The following ACACB variants were observed in gnomAD, a reference collection of about 807,000 sequenced individuals.
The protein encoded by ACACB is acetyl-CoA carboxylase beta.
In ACACB, 209 loss-of-function variants were observed where a neutral mutation model predicts 278.8. The observed-to-expected ratio is 0.75, with a 90% CI of 0.67 to 0.84. The LOEUF (loss-of-function observed/expected upper bound fraction) is 0.84, where lower values mean the gene tolerates loss of function less well. Among genes scored for constraint, ACACB ranks in the 40% least tolerant of loss-of-function variants. ACACB has a pLI of 0.00. For missense variants in ACACB, 2,850 were observed against 3,269.0 expected (o/e 0.87, Z 3.13); for synonymous variants, 1,174 against 1,285.6 (o/e 0.91, Z 1.86).
chr12:109,256,074 A>G, intron 44 of ACACB, 66 bp from the exon 45 acceptor site: 1 of 1,292,492 alleles, frequency 7.7e-7, no homozygotes, highest in Non-Finnish European at 1.1e-6. Flanking sequence ...TTGCACAGCC[A>G]GGAGTGTCCT....
intron 20 of ACACB, among the ~76,000 whole-genome samples, chr12:109,208,030 C>T (rs766018242): frequency 5.3e-5 from 8 of 152,120 alleles, no homozygotes; most frequent in African/African-American, 9.6e-5. Context: ...TCCCAGCAAC[C>T]GATAAGGTAG....
At chr12:109,229,423 G>T (rs1424745952) in intron 28 of ACACB, among the ~76,000 whole-genome samples, 1 of 152,158 alleles carries the variant, frequency 6.6e-6, no homozygotes, top group African/African-American at 2.4e-5. Flanking sequence ...GCATTCAGGG[G>T]CCCTCTGAGC....
At position 109,234,040 on chromosome 12, in the gene ACACB, T is replaced by A. The variant is rs1371470741; in HGVS notation, c.4342T>A (p.Ser1448Thr). The A allele has an allele frequency of 6.2e-7, 1 of 1,608,010 alleles. No individual in the cohort carries two copies. The highest frequency in any genetic ancestry group is 8.5e-7 in the Non-Finnish European group (1 of 1,176,160). Reference sequence around the variant, plus strand: ...GCCGATTTTACGGACATTCGTACAGTCCAAGGTACTCTGGGCGTGCCTCTG... The same window carrying A: ...GCCGATTTTACGGACATTCGTACAGACCAAGGTACTCTGGGCGTGCCTCTG... ...LVPILRTFVQ[S>T]KKNILVDYGL... is the part of the protein sequence containing the mutation. Residue 1448 changes from serine (S) to threonine (T), a missense_variant, in exon 31 of 53, where the codon TCC (serine) becomes ACC (threonine). Ser to Thr is a moderately conservative substitution (Grantham distance 58). Coordinates refer to ENST00000338432, the MANE Select transcript of ACACB (RefSeq NM_001093.4).
intron 1 of ACACB, among the ~76,000 whole-genome samples, chr12:109,124,554 G>A (rs2436629): frequency 0.041 from 6,314 of 152,290 alleles, 146 homozygotes; most frequent in South Asian, 0.081. Context: ...TCTGACCTCC[G>A]TCGTAAAGTT....
At chr12:109,211,927 G>T (rs980809028) in intron 21 of ACACB, among the ~76,000 whole-genome samples, 2 of 151,892 alleles carry the variant, frequency 1.3e-5, no homozygotes, top group Non-Finnish European at 2.9e-5. Context: ...AAATATTTTT[G>T]ATGCCAAAGG....
In ACACB at chr12:109,250,025, G is replaced by A. The variant is rs2047052160; in HGVS notation, c.5711G>A (p.Gly1904Asp). 1 of 1,613,598 alleles carries A rather than the reference G, an allele frequency of 6.2e-7. No individual in the cohort carries two copies. Among genetic ancestry groups the A allele is most frequent in the African/African-American group, 1.3e-5 (1 of 75,014 alleles). ...ATCATCGGGAAGGATGATGGCTTGG[G>A]CGTGGAGAATCTGAGGGGCTCAGGC... ...TDIIGKDDGL[G>D]VENLRGSGMI... The change falls in exon 41 of 53, where the codon GGC becomes GAC. Residue 1904 changes from glycine to aspartate, a missense_variant. By Grantham distance (94) the Gly-to-Asp change is moderately conservative. This residue lies in a region of ACACB where 2,265 missense variants were observed against 2,561.3 expected (regional missense o/e 0.88). Coordinates refer to ENST00000338432, the MANE Select transcript of ACACB (RefSeq NM_001093.4).
intron 24 of ACACB, among the ~76,000 whole-genome samples, chr12:109,221,178 T>C (rs774013293): frequency 3.9e-5 from 6 of 152,190 alleles, no homozygotes; most frequent in Non-Finnish European, 8.8e-5. Flanking sequence ...TGTGTCTTTG[T>C]GTATGAAATA....
intron 13 of ACACB, among the ~76,000 whole-genome samples, chr12:109,190,974 A>G (rs2044856025): frequency 6.6e-6 from 1 of 152,140 alleles, no homozygotes; most frequent in Non-Finnish European, 1.5e-5. Flanking sequence ...AATTATAACA[A>G]TAATAACTAA....
intron 18 of ACACB, 27 bp from the exon 19 acceptor site, chr12:109,201,540 G>A (rs2045331875): frequency 6.2e-7 from 1 of 1,613,556 alleles, no homozygotes; most frequent in Non-Finnish European, 8.5e-7. Context: ...GGTGGGCTCT[G>A]TACTATTTCT....
At chr12:109,243,877 TTATA>T (rs145125502) in intron 37 of ACACB, among the ~76,000 whole-genome samples, 7 of 146,920 alleles carry the variant, frequency 4.8e-5, no homozygotes, top group Non-Finnish European at 7.5e-5. Context: ...TGGAATGACA[TTATA>T]TATATATATA....
chr12:109,187,196 G>A (rs74533636), intron 12 of ACACB, among the ~76,000 whole-genome samples: 2,059 of 152,048 alleles, frequency 0.014, 57 homozygotes, highest in African/African-American at 0.047. Context: ...AAATACCAAC[G>A]AAATGGCCTC....
chr12:109,145,512 G>T (rs539440989), intron 2 of ACACB, among the ~76,000 whole-genome samples: 14 of 152,020 alleles, frequency 9.2e-5, no homozygotes, highest in African/African-American at 2.9e-4. Flanking sequence ...AGGTCCATGT[G>T]TACACTTTAT....
intron 7 of ACACB, among the ~76,000 whole-genome samples, 187 bp downstream of exon 7, chr12:109,174,417 T>C (rs1365412972): frequency 6.6e-6 from 1 of 152,192 alleles, no homozygotes; most frequent in Non-Finnish European, 1.5e-5. Flanking sequence ...TAATTTATTG[T>C]AGGCAATTTA....
At position 109,197,002 on chromosome 12, in the gene ACACB, C is replaced by T; in HGVS notation, c.2482-6C>T. Reference sequence around the variant, plus strand: ...CCAGGCGGTGACAAGGGGCTTGTCCCCACAGGTGGCCCGGCAGTCTCTGAC... The same window carrying T: ...CCAGGCGGTGACAAGGGGCTTGTCCTCACAGGTGGCCCGGCAGTCTCTGAC... On this transcript the variant is annotated splice_polypyrimidine_tract_variant and splice_region_variant and intron_variant, in intron 16 of 52. Coordinates refer to ENST00000338432, the MANE Select transcript of ACACB (RefSeq NM_001093.4). 1 of 1,549,208 alleles carries T rather than the reference C, an allele frequency of 6.5e-7. No homozygotes were observed. Among genetic ancestry groups the T allele is most frequent in the Non-Finnish European group, 8.7e-7 (1 of 1,154,252 alleles).
intron 2 of ACACB, among the ~76,000 whole-genome samples, chr12:109,143,535 G>A (rs889334519): frequency 1.3e-5 from 2 of 150,488 alleles, no homozygotes; most frequent in South Asian, 4.2e-4. Context: ...TGGCCCTAAA[G>A]CTCACTGACA....
At chr12:109,188,221 CCTTCCTT>C in intron 13 of ACACB, 59 bp downstream of exon 13, 1 of 1,446,098 alleles carries the variant, frequency 6.9e-7, no homozygotes, top group Non-Finnish European at 9.5e-7. Flanking sequence ...TTCCTTCCTT[CCTTCCTT>C]CCTTCCCTCT....
chr12:109,252,935 G>A (rs137928906), intron 42 of ACACB, 80 bp from the exon 43 acceptor site: 2 of 1,353,404 alleles, frequency 1.5e-6, no homozygotes, highest in African/African-American at 2.9e-5. Flanking sequence ...CCAGGATTGA[G>A]AAGCACTGAG....
intron 20 of ACACB, among the ~76,000 whole-genome samples, chr12:109,208,788 A>T (rs1434910178): frequency 6.6e-6 from 1 of 152,178 alleles, no homozygotes. Flanking sequence ...AAATCATTAG[A>T]CTTCCTTTAT....
Position 109,258,969 on chromosome 12 carries a change from C to T in ACACB, c.6361-4C>T. 6.2e-7 allele frequency: 1 copy of T among 1,614,004 alleles called. No homozygotes were observed. Among genetic ancestry groups the T allele is most frequent in the East Asian group, 2.2e-5 (1 of 44,886 alleles). On this transcript the variant is annotated splice_polypyrimidine_tract_variant and splice_region_variant and intron_variant, in intron 46 of 52. Coordinates refer to ENST00000338432, the MANE Select transcript of ACACB (RefSeq NM_001093.4). ...CATCTGATCCCCGCAGCTCTGTGTT[C>T]CAGATAATTCAGCAGGCAGGACAGG...
Sources: gnomAD v4.1 joint callset for allele counts (sites outside exome capture counted in the v4.1 genomes callset) on GRCh38, gnomAD v4.1.1 for gene constraint, gnomAD v4.1.1 regional missense constraint, MANE v1.5 for transcripts, NCBI Gene and HGNC (gene_info 2026-07-23, HGNC 2026-07-21) for gene names.